The following CDC42BPB variants were observed in gnomAD, a reference collection of about 807,000 sequenced individuals.
CDC42BPB encodes CDC42 binding protein kinase beta, also known as serine/threonine-protein kinase MRCK beta.
Under a neutral mutation model 214.9 loss-of-function variants are expected in CDC42BPB, and 37 were observed. The observed-to-expected ratio is 0.17, with a 90% CI of 0.13 to 0.23. CDC42BPB has a LOEUF of 0.23. CDC42BPB is among the 10% of genes least tolerant of loss of function. The pLI, the probability that CDC42BPB is intolerant of heterozygous loss-of-function variation, is 1.00. For missense variants in CDC42BPB, 1,694 were observed against 2,227.0 expected (o/e 0.76, Z 4.82); for synonymous variants, 931 against 884.0 (o/e 1.05, Z -0.94).
At chr14:102,946,381 C>T in intron 28 of CDC42BPB, 87 bp downstream of exon 28, 1 of 1,432,220 alleles carries the variant, frequency 7.0e-7, no homozygotes, top group Non-Finnish European at 9.6e-7. Context: ...GACCTGTGAC[C>T]TTCATCTGAT....
chr14:102,969,738 C>T (rs980885041), intron 14 of CDC42BPB, among the ~76,000 whole-genome samples: 7 of 152,242 alleles, frequency 4.6e-5, no homozygotes, highest in Non-Finnish European at 8.8e-5. Context: ...CAGTGGGCCC[C>T]GACTGATGGC....
At position 102,938,311 on chromosome 14, in the gene CDC42BPB, G is replaced by A; in HGVS notation, c.4928C>T (p.Ser1643Leu). ...GGGCCAGGCTTCCCCTGTACCTGAT[G>A]AGGGCCACGAGATGTAGGGCTTGTT... ...SRNKPYISWP[S>L]SGGSEPSVTV... Residue 1643 changes from serine (S) to leucine (L), a missense_variant, in exon 35 of 37, where the codon TCA becomes TTA. Physicochemically the swap from Ser to Leu is moderately radical, Grantham distance 145. Around this residue, in one of 7 missense-constraint regions of CDC42BPB, gnomAD observed 146 missense variants for 134.1 expected, o/e 1.09. Transcript: ENST00000361246. 6.2e-7 allele frequency: 1 copy of A among 1,608,472 alleles called. No homozygotes were observed. The highest frequency in any genetic ancestry group is 8.5e-7 in the Non-Finnish European group (1 of 1,177,544).
At chr14:103,043,040 T>C (rs1053006000) in intron 1 of CDC42BPB, among the ~76,000 whole-genome samples, 1 of 152,198 alleles carries the variant, frequency 6.6e-6, no homozygotes, top group African/African-American at 2.4e-5. Context: ...GTGGATCACC[T>C]GAGGTCAGGG....
intron 12 of CDC42BPB, among the ~76,000 whole-genome samples, chr14:102,972,832 G>C (rs1893548139): frequency 6.7e-6 from 1 of 150,076 alleles, no homozygotes; most frequent in Non-Finnish European, 1.5e-5. Flanking sequence ...CAGCCGCAAA[G>C]CTGAATGAAG....
intron 25 of CDC42BPB, 24 bp downstream of exon 25, chr14:102,950,442 G>T: frequency 6.2e-7 from 1 of 1,611,804 alleles, no homozygotes. Flanking sequence ...ACCGAGGGCT[G>T]AGGGCGGAGA....
chr14:102,936,178 A>G (rs993169442), intron 36 of CDC42BPB, among the ~76,000 whole-genome samples: 2 of 152,188 alleles, frequency 1.3e-5, no homozygotes, highest in Non-Finnish European at 2.9e-5. Context: ...CTGCTGCAGA[A>G]AACAATTTGG....
chr14:102,999,474 G>A, intron 5 of CDC42BPB, 91 bp downstream of exon 5: 1 of 1,332,416 alleles, frequency 7.5e-7, no homozygotes, highest in East Asian at 2.3e-5. Flanking sequence ...TACCTACATG[G>A]CTTCTTGGGA....
intron 9 of CDC42BPB, among the ~76,000 whole-genome samples, chr14:102,977,123 C>T (rs952600484): frequency 3.3e-5 from 5 of 151,958 alleles, no homozygotes; most frequent in South Asian, 4.1e-4. Context: ...GGGGAGATCA[C>T]GAGGTCAGGA....
intron 18 of CDC42BPB, among the ~76,000 whole-genome samples, chr14:102,965,707 A>G (rs1893170497): frequency 6.6e-6 from 1 of 152,256 alleles, no homozygotes; most frequent in African/African-American, 2.4e-5. Context: ...CTGTAATCCC[A>G]GCACTTTGGG....
intron 1 of CDC42BPB, among the ~76,000 whole-genome samples, chr14:103,015,996 G>A (rs571534878): frequency 6.6e-6 from 1 of 152,082 alleles, no homozygotes; most frequent in South Asian, 2.1e-4. Context: ...GATTACAGGC[G>A]TGAGCCACTG....
In CDC42BPB at chr14:102,954,555, G is replaced by A. The variant is rs566391347; in HGVS notation, c.2988+47C>T. 4.0e-5 allele frequency: 62 copies of A among 1,541,600 alleles called. 2 individuals are homozygous for A. The East Asian group carries it at 5.9e-4, about 15-fold the overall frequency. Reference sequence around the variant, plus strand: ...GAGCAGCATCTGGTCACCTGGACACGAGGGCAGACCCCAGGTGGGAGCATC... The same window carrying A: ...GAGCAGCATCTGGTCACCTGGACACAAGGGCAGACCCCAGGTGGGAGCATC... On this transcript the variant is annotated intron_variant, in intron 22 of 36. Transcript: ENST00000361246.
chr14:102,940,103 G>A lies in CDC42BPB; in HGVS notation c.4534C>T (p.Leu1512Phe), dbSNP rs749362454. 26 of 1,613,906 alleles carry A rather than the reference G, an allele frequency of 1.6e-5. No homozygotes were observed. The highest frequency in any genetic ancestry group is 8.5e-7 in the Non-Finnish European group (1 of 1,180,050). Reference sequence around the variant, plus strand: ...GGAGGCTCGCAGTTGAGGAGGTTGAGGGTGCCTTCAGAGTTCAGGGGCCTT... The same window carrying A: ...GGAGGCTCGCAGTTGAGGAGGTTGAAGGTGCCTTCAGAGTTCAGGGGCCTT... ...RIRPLNSEGT[L>F]NLLNCEPPRL... is the part of the protein sequence containing the mutation. Residue 1512 changes from leucine to phenylalanine, a missense_variant, in exon 32 of 37, where the codon CTC (leucine) becomes TTC (phenylalanine). Physicochemically the swap from Leu to Phe is conservative, Grantham distance 22 (BLOSUM62 0). This residue lies in a region of CDC42BPB where 567 missense variants were observed against 790.3 expected (regional missense o/e 0.72). Transcript: ENST00000361246.
At chr14:102,936,361 G>A (rs1218466796) in intron 36 of CDC42BPB, among the ~76,000 whole-genome samples, 3 of 152,176 alleles carry the variant, frequency 2.0e-5, no homozygotes, top group Non-Finnish European at 4.4e-5. Flanking sequence ...TGCCTCAGGG[G>A]AAGAATGGGA....
chr14:103,013,240 G>A (rs902818247), intron 1 of CDC42BPB, among the ~76,000 whole-genome samples: 2 of 152,210 alleles, frequency 1.3e-5, no homozygotes, highest in East Asian at 1.9e-4. Flanking sequence ...GCAGCTCAGG[G>A]AACACAAGAC....
At chr14:103,037,727 G>A (rs1001366800) in intron 1 of CDC42BPB, among the ~76,000 whole-genome samples, 7 of 152,110 alleles carry the variant, frequency 4.6e-5, no homozygotes, top group African/African-American at 1.7e-4. Context: ...GATATGTGGA[G>A]AGGAGTTTTT....
chr14:102,950,343 C>T, intron 25 of CDC42BPB, 123 bp downstream of exon 25: 1 of 1,335,600 alleles, frequency 7.5e-7, no homozygotes, highest in Non-Finnish European at 1.0e-6. Flanking sequence ...GGTAAGCCCC[C>T]TAGGACTGGC....
intron 27 of CDC42BPB, 65 bp downstream of exon 27, chr14:102,947,656 G>A: frequency 7.3e-7 from 1 of 1,377,952 alleles, no homozygotes; most frequent in Non-Finnish European, 1.0e-6. Context: ...GCAGCACAAT[G>A]ACATGCCTAG....
chr14:103,049,905 G>A (rs867452482), intron 1 of CDC42BPB, among the ~76,000 whole-genome samples: 1 of 152,164 alleles, frequency 6.6e-6, no homozygotes, highest in East Asian at 1.9e-4. Context: ...TAGAGACGGG[G>A]TTTCACCATG....
chr14:102,939,191 G>C (rs944916321), intron 34 of CDC42BPB, among the ~76,000 whole-genome samples: 1 of 152,066 alleles, frequency 6.6e-6, no homozygotes, highest in Non-Finnish European at 1.5e-5. Flanking sequence ...CGCCCGCCTC[G>C]GCCTCCCAAA....
Sources: allele counts gnomAD v4.1 joint callset (sites outside exome capture counted in the v4.1 genomes callset), GRCh38; gene constraint gnomAD v4.1.1; regional missense constraint gnomAD v4.1.1; transcripts MANE v1.5; gene names NCBI Gene and HGNC (gene_info 2026-07-23, HGNC 2026-07-21).